ADK: variants seen among roughly 807,000 people sequenced by gnomAD.
ADK encodes the protein N6,N6-dimethyladenosine kinase.
A neutral mutation model predicts 44.7 loss-of-function variants in ADK; 24 were observed. The ratio of observed to expected loss-of-function variants is 0.54; its 90% CI spans 0.39 to 0.76. ADK has a LOEUF of 0.76. Ranked by LOEUF, ADK falls within the 30% of genes least tolerant of loss-of-function variation. The pLI is 0.00. For synonymous variants in ADK, 128 were observed against 142.6 expected, an observed-to-expected ratio of 0.90 and a Z score of 0.73; for missense variants, 321 against 425.1, an observed-to-expected ratio of 0.76 and a Z score of 2.15.
Position 74,541,978 on chromosome 10 carries a change from C to T in ADK, c.726+16552C>T, listed in dbSNP as rs141088360. On this transcript the variant is annotated intron_variant, in intron 7 of 10. Transcript: ENST00000539909. ...ATTTCTGGCCAGGCATAGTGGCTTA[C>T]GCCTGTAATCCCAGCACTCTGGGGA... 4.0e-3 allele frequency among the ~76,000 whole-genome samples: 615 copies of T among 152,022 alleles called. 7 individuals are homozygous for T. Among genetic ancestry groups the T allele is most frequent in the African/African-American group, 0.014 (573 of 41,478 alleles).
chr10:74,199,333 T>A (rs1843285930), intron 1 of ADK, among the ~76,000 whole-genome samples: 1 of 152,214 alleles, frequency 6.6e-6, no homozygotes, highest in Non-Finnish European at 1.5e-5. Context: ...GAGCCCTTGC[T>A]TTCCTGTCTC....
chr10:74,385,191 AT>A (rs1024139979), intron 4 of ADK, among the ~76,000 whole-genome samples: 1 of 152,194 alleles, frequency 6.6e-6, no homozygotes, highest in Non-Finnish European at 1.5e-5. Context: ...ATCTCAATAA[AT>A]TTTTTTAAAA....
intron 10 of ADK, among the ~76,000 whole-genome samples, chr10:74,701,093 G>A (rs1856403069): frequency 6.6e-6 from 1 of 152,142 alleles, no homozygotes; most frequent in South Asian, 2.1e-4. Flanking sequence ...AAGTGACTTG[G>A]AAACTATTTT....
intron 3 of ADK, among the ~76,000 whole-genome samples, chr10:74,299,268 C>T (rs1242447738): frequency 6.7e-6 from 1 of 149,258 alleles, no homozygotes; most frequent in African/African-American, 2.5e-5. Context: ...CTGAGGTGGG[C>T]AGATCACTTG....
intron 10 of ADK, among the ~76,000 whole-genome samples, chr10:74,677,689 C>A (rs908167508): frequency 6.6e-6 from 1 of 152,156 alleles, no homozygotes; most frequent in African/African-American, 2.4e-5. Context: ...ACCAAGATGA[C>A]AGCTGCCCAC....
intron 4 of ADK, among the ~76,000 whole-genome samples, chr10:74,347,106 C>CAAAAAAAAAA (rs58074760): frequency 1.6e-4 from 15 of 92,300 alleles, no homozygotes; most frequent in African/African-American, 8.2e-4. Flanking sequence ...CACTCTGTCT[C>CAAAAAAAAAA]AAAAAAAAAA....
intron 3 of ADK, among the ~76,000 whole-genome samples, chr10:74,283,893 G>T (rs541821468): frequency 2.6e-5 from 4 of 151,786 alleles, no homozygotes; most frequent in Non-Finnish European, 4.4e-5. Context: ...TGTTAGCCTG[G>T]ATAGTCTTGA....
At chr10:74,703,373 C>T (rs184576965) in intron 10 of ADK, among the ~76,000 whole-genome samples, 207 of 151,812 alleles carry the variant, frequency 1.4e-3, no homozygotes, top group African/African-American at 4.7e-3. Context: ...TCCCAGCTAC[C>T]CGGGAGGCAG....
At chr10:74,321,637 T>C (rs1251215570) in intron 4 of ADK, among the ~76,000 whole-genome samples, 1 of 152,224 alleles carries the variant, frequency 6.6e-6, no homozygotes, top group Non-Finnish European at 1.5e-5. Context: ...CAGTTTTTCA[T>C]GTCTCTTCCA....
intron 7 of ADK, among the ~76,000 whole-genome samples, chr10:74,553,053 C>T (rs977614207): frequency 2.6e-5 from 4 of 151,606 alleles, no homozygotes; most frequent in Non-Finnish European, 5.9e-5. Flanking sequence ...AAAAATTAAC[C>T]GTACATCTAC....
chr10:74,553,190 G>GTGTTT (rs1850097157), intron 7 of ADK, among the ~76,000 whole-genome samples: 5 of 60,438 alleles, frequency 8.3e-5, no homozygotes, highest in East Asian at 6.8e-4. Context: ...AGCACATTGT[G>GTGTTT]TTTTTTTTTT....
chr10:74,398,738 GA>G (rs1179368108), intron 6 of ADK, among the ~76,000 whole-genome samples, 159 bp downstream of exon 6: 3 of 152,052 alleles, frequency 2.0e-5, no homozygotes, highest in Non-Finnish European at 4.4e-5. Context: ...AAATAGAACA[GA>G]AATCATTATC....
intron 6 of ADK, among the ~76,000 whole-genome samples, chr10:74,511,205 C>T (rs968224405): frequency 1.1e-4 from 16 of 152,074 alleles, no homozygotes; most frequent in African/African-American, 3.6e-4. Flanking sequence ...TTCTCTATGC[C>T]TTTCCATTGG....
chr10:74,427,949 T>TG (rs145075066), intron 6 of ADK, among the ~76,000 whole-genome samples: 290 of 152,266 alleles, frequency 1.9e-3, no homozygotes, highest in Non-Finnish European at 3.5e-3. Flanking sequence ...AAGGTGTTTG[T>TG]GGGGTTGGTT....
chr10:74,329,362 C>G (rs1310308391), intron 4 of ADK, among the ~76,000 whole-genome samples: 2 of 152,148 alleles, frequency 1.3e-5, no homozygotes, highest in Admixed American at 6.6e-5. Context: ...CCAAGCTGGG[C>G]AAGTATGAAC....
intron 9 of ADK, among the ~76,000 whole-genome samples, chr10:74,610,568 G>A (rs892288016): frequency 4.4e-4 from 67 of 152,196 alleles, no homozygotes; most frequent in African/African-American, 1.5e-3. Context: ...TACATTTTAT[G>A]TATATTTTTA....
intron 6 of ADK, among the ~76,000 whole-genome samples, chr10:74,404,853 A>C (rs1843853865): frequency 6.6e-6 from 1 of 152,120 alleles, no homozygotes; most frequent in Admixed American, 6.5e-5. Flanking sequence ...AAAATTACTC[A>C]TTTTGATCAG....
At chr10:74,274,158 A>C (rs1287379590) in intron 3 of ADK, among the ~76,000 whole-genome samples, 1 of 152,206 alleles carries the variant, frequency 6.6e-6, no homozygotes, top group Non-Finnish European at 1.5e-5. Flanking sequence ...ACTATTAATA[A>C]TCTACTGTGT....
intron 6 of ADK, among the ~76,000 whole-genome samples, chr10:74,484,954 TG>T (rs1322865965): frequency 6.6e-6 from 1 of 152,138 alleles, no homozygotes; most frequent in East Asian, 1.9e-4. Context: ...AGGTAACTTT[TG>T]AGAATATCTG....
Sources: gnomAD v4.1 joint callset for allele counts (sites outside exome capture counted in the v4.1 genomes callset) on GRCh38, gnomAD v4.1.1 for gene constraint, MANE v1.5 for transcripts, NCBI Gene and HGNC (gene_info 2026-07-23, HGNC 2026-07-21) for gene names.